ANKRD36: variants seen among roughly 807,000 people sequenced by gnomAD.
The protein encoded by ANKRD36 is ankyrin repeat domain-containing protein 36A.
Under a neutral mutation model 278.1 loss-of-function variants are expected in ANKRD36, and 179 were observed. That is an observed-to-expected ratio of 0.64 (90% CI 0.57 to 0.73). The LOEUF (loss-of-function observed/expected upper bound fraction) is 0.73. Among genes scored for constraint, ANKRD36 ranks in the 30% least tolerant of loss-of-function variants. ANKRD36 has a pLI of 0.00. For missense variants in ANKRD36, 1,159 were observed against 1,956.7 expected (o/e 0.59, Z 7.69); for synonymous variants, 320 against 641.1 (o/e 0.50, Z 7.57).
intron 57 of ANKRD36, 41 bp from the exon 58 acceptor site, chr2:97,211,628 A>T (rs755379268): frequency 6.3e-7 from 1 of 1,594,312 alleles, no homozygotes; most frequent in Non-Finnish European, 8.5e-7. Flanking sequence ...TATATGAAAT[A>T]TACTTTATTT....
At chr2:97,176,722 G>A (rs1559491476) in intron 22 of ANKRD36, among the ~76,000 whole-genome samples, 1 of 151,450 alleles carries the variant, frequency 6.6e-6, no homozygotes, top group South Asian at 2.1e-4. Context: ...TCCTAGTCTT[G>A]ATGGTTTTTA....
chr2:97,193,688 C>T (rs899136176), intron 38 of ANKRD36, among the ~76,000 whole-genome samples: 26 of 151,660 alleles, frequency 1.7e-4, no homozygotes, highest in African/African-American at 4.8e-4. Flanking sequence ...TGGAATACAC[C>T]ACACTGACCC....
intron 54 of ANKRD36, among the ~76,000 whole-genome samples, chr2:97,208,781 G>C (rs1351802307): frequency 1.4e-5 from 2 of 146,574 alleles, no homozygotes; most frequent in African/African-American, 5.3e-5. Context: ...GGATAAAATA[G>C]CTATTTAATG....
At position 97,232,928 on chromosome 2, in the gene ANKRD36, G is replaced by A. The variant is rs551690685; in HGVS notation, c.3952-802G>A. 8.2e-4 allele frequency among the ~76,000 whole-genome samples: 125 copies of A among 151,886 alleles called. 1 individual carries two copies. The highest frequency in any genetic ancestry group is 2.1e-3 in the African/African-American group (89 of 41,444). ...CACCGCTAATTGGAAATTAAACATCGGACATATGCCTCAATTTAGTGATTC... is the reference window on the plus strand; with the variant it reads ...CACCGCTAATTGGAAATTAAACATCAGACATATGCCTCAATTTAGTGATTC... On this transcript the variant is annotated intron_variant, in intron 67 of 75. Transcript: ENST00000420699.
chr2:97,146,236 G>C (rs2044214394), intron 10 of ANKRD36, among the ~76,000 whole-genome samples: 1 of 149,346 alleles, frequency 6.7e-6, no homozygotes, highest in Admixed American at 6.7e-5. Context: ...CAAAGTGCTG[G>C]GATTACAGGT....
chr2:97,115,086 A>G (rs894368716), intron 1 of ANKRD36, among the ~76,000 whole-genome samples: 3 of 152,212 alleles, frequency 2.0e-5, no homozygotes, highest in Admixed American at 2.0e-4. Context: ...TGCAAAAGCA[A>G]TTGCGGTTTT....
In ANKRD36 at chr2:97,208,583, C is replaced by A. The variant is rs1192150594; in HGVS notation, c.3265+577C>A. The stretch of plus-strand genomic sequence containing the variant: ...GGAATATTTTCATAAAAAATATTTG[C>A]TTTTAGCTGCTCCAGGAACTACTGG... On this transcript the variant is annotated intron_variant, in intron 54 of 75. Coordinates refer to ENST00000420699, the MANE Select transcript of ANKRD36 (RefSeq NM_001354587.1). Among the ~76,000 whole-genome samples, 6 of 146,226 alleles carry A rather than the reference C, an allele frequency of 4.1e-5. No homozygotes were observed. The East Asian group carries it at 8.0e-4, about 19-fold the overall frequency.
At chr2:97,130,901 T>C (rs2039973149) in intron 6 of ANKRD36, among the ~76,000 whole-genome samples, 1 of 152,126 alleles carries the variant, frequency 6.6e-6, no homozygotes, top group Admixed American at 6.6e-5. Context: ...TGGTATTCTA[T>C]TAATCTTTAA....
intron 26 of ANKRD36, among the ~76,000 whole-genome samples, chr2:97,182,268 T>G (rs1423269156): frequency 1.0e-5 from 1 of 96,964 alleles, no homozygotes; most frequent in Non-Finnish European, 2.7e-5. Flanking sequence ...GGAGGGAAAA[T>G]AAGTTATTTA....
intron 11 of ANKRD36, among the ~76,000 whole-genome samples, chr2:97,146,994 CT>C (rs1233162438): frequency 5.9e-5 from 9 of 151,834 alleles, no homozygotes; most frequent in Admixed American, 1.3e-4. Context: ...AACCATATTA[CT>C]TTTTTTTAAA....
At chr2:97,144,870 C>T (rs2043858231) in intron 10 of ANKRD36, among the ~76,000 whole-genome samples, 158 bp downstream of exon 10, 1 of 151,954 alleles carries the variant, frequency 6.6e-6, no homozygotes, top group African/African-American at 2.4e-5. Flanking sequence ...GGTGATTCTG[C>T]TGATTTTTGG....
chr2:97,170,532 T>C (rs1559460104), intron 22 of ANKRD36, among the ~76,000 whole-genome samples: 1 of 151,978 alleles, frequency 6.6e-6, no homozygotes, highest in African/African-American at 2.4e-5. Context: ...CTGGATCCCT[T>C]CCTTACACCT....
chr2:97,134,872 A>G (rs2923974), intron 6 of ANKRD36, among the ~76,000 whole-genome samples: 1 of 152,030 alleles, frequency 6.6e-6, no homozygotes, highest in South Asian at 2.1e-4. Context: ...GATTGGATAA[A>G]CTTTTAAGGG....
intron 75 of ANKRD36, among the ~76,000 whole-genome samples, chr2:97,258,785 G>GT: frequency 8.5e-6 from 1 of 117,660 alleles, no homozygotes; most frequent in African/African-American, 3.0e-5. Flanking sequence ...TTTTTTTGCT[G>GT]TTTTCAGTAT....
chr2:97,135,323 T>C (rs2041211495), intron 6 of ANKRD36, among the ~76,000 whole-genome samples: 3 of 151,884 alleles, frequency 2.0e-5, no homozygotes, highest in East Asian at 1.9e-4. Context: ...ATGTGTACAA[T>C]AATTTTTAAA....
chr2:97,227,636 G>A (rs1298682034), intron 67 of ANKRD36, among the ~76,000 whole-genome samples: 3 of 152,058 alleles, frequency 2.0e-5, no homozygotes, highest in African/African-American at 7.2e-5. Flanking sequence ...CTGCCTAATG[G>A]CCCTAACCAG....
intron 42 of ANKRD36, among the ~76,000 whole-genome samples, chr2:97,197,466 A>G (rs1473956926): frequency 6.6e-6 from 1 of 151,956 alleles, no homozygotes; most frequent in Non-Finnish European, 1.5e-5. Context: ...TAGACATCAG[A>G]GATATATGTT....
intron 67 of ANKRD36, among the ~76,000 whole-genome samples, chr2:97,233,400 A>G (rs1168859847): frequency 6.6e-6 from 1 of 150,420 alleles, no homozygotes; most frequent in African/African-American, 2.5e-5. Flanking sequence ...GGGGTAATCT[A>G]AATACCTAAT....
At position 97,217,322 on chromosome 2, in the gene ANKRD36, C is replaced by A; in HGVS notation, c.3725C>A (p.Ser1242Tyr). Residue 1242 changes from serine (S) to tyrosine (Y), a missense_variant, in exon 64 of 76, where the codon TCT becomes TAT. Coordinates refer to ENST00000420699, the MANE Select transcript of ANKRD36 (RefSeq NM_001354587.1). The stretch of plus-strand genomic sequence containing the variant: ...CAGGTTATATTTAAAAAGAAAGTTT[C>A]TCTTTTGAATATTGCCACAAGAATA... ...AQKVIFKKKV[S>Y]LLNIATRITG... 6.4e-7 allele frequency: 1 copy of A among 1,551,124 alleles called. No homozygotes were observed. The highest frequency in any genetic ancestry group is 8.7e-7 in the Non-Finnish European group (1 of 1,148,326).
Sources: gnomAD v4.1 joint callset for allele counts (sites outside exome capture counted in the v4.1 genomes callset) on GRCh38, gnomAD v4.1.1 for gene constraint, MANE v1.5 for transcripts, NCBI Gene and HGNC (gene_info 2026-07-23, HGNC 2026-07-21) for gene names.